CD226: variants seen among roughly 807,000 people sequenced by gnomAD.
CD226 encodes the protein CD226 antigen.
In CD226, 24 loss-of-function variants were observed where a neutral mutation model predicts 34.9. The observed-to-expected ratio is 0.69, with a 90% confidence interval of 0.50 to 0.97. The LOEUF is 0.97. Among genes scored for constraint, CD226 ranks in the 50% least tolerant of loss-of-function variants. The pLI is 0.00. For synonymous variants in CD226, 148 were observed against 147.4 expected (o/e 1.00, Z -0.03); for missense variants, 397 against 412.7 (o/e 0.96, Z 0.33).
chr18:69,873,801 G>A (rs1183901282), intron 3 of CD226, among the ~76,000 whole-genome samples: 1 of 152,122 alleles, frequency 6.6e-6, no homozygotes, highest in Non-Finnish European at 1.5e-5. Flanking sequence ...AACCCCAGAG[G>A]CGGAGCTTGC....
At chr18:69,892,173 C>A (rs1984943203) in intron 3 of CD226, among the ~76,000 whole-genome samples, 1 of 152,184 alleles carries the variant, frequency 6.6e-6, no homozygotes, top group Non-Finnish European at 1.5e-5. Flanking sequence ...TTATCAATAG[C>A]AAACAGAAGT....
Position 69,922,402 on chromosome 18 carries a change from C to T in CD226, c.382+24332G>A, listed in dbSNP as rs2055463432. ...GCACAGGCAGTCCTCCTGCCTCAGC[C>T]TCCCAAGTAGCTGGGACCACAGATG... On this transcript the variant is annotated intron_variant, in intron 2 of 5. Coordinates refer to ENST00000582621, the MANE Select transcript of CD226 (RefSeq NM_001303618.2). Among the ~76,000 whole-genome samples the T allele has an allele frequency of 2.0e-5, 3 of 152,284 alleles. No homozygotes were observed. In the South Asian group the frequency reaches 6.2e-4, roughly 32 times the overall value.
upstream of CD226, among the ~76,000 whole-genome samples, chr18:69,961,242 A>G (rs2055928283): frequency 6.6e-6 from 1 of 152,228 alleles, no homozygotes; most frequent in Non-Finnish European, 1.5e-5. Context: ...GAAATTTGCT[A>G]ATTTATCAAA....
chr18:69,952,017 A>C (rs1256187785), upstream of CD226, among the ~76,000 whole-genome samples: 1 of 152,196 alleles, frequency 6.6e-6, no homozygotes, highest in East Asian at 1.9e-4. Context: ...AAGATATGGA[A>C]TCAACCTAAG....
chr18:69,920,563 T>C (rs1037358715), intron 2 of CD226, among the ~76,000 whole-genome samples: 2 of 152,178 alleles, frequency 1.3e-5, no homozygotes, highest in African/African-American at 4.8e-5. Flanking sequence ...TTACAATTAC[T>C]CCTCAAAAGA....
intron 2 of CD226, among the ~76,000 whole-genome samples, chr18:69,942,054 T>A (rs963728608): frequency 1.3e-5 from 2 of 152,184 alleles, no homozygotes; most frequent in African/African-American, 2.4e-5. Context: ...CCTGCTGCCA[T>A]GTGAAGAAGG....
chr18:69,933,324 A>C (rs1352838613), intron 2 of CD226, among the ~76,000 whole-genome samples: 1 of 152,176 alleles, frequency 6.6e-6, no homozygotes, highest in Non-Finnish European at 1.5e-5. Context: ...GCCTCTGGCC[A>C]AATTTGTTTT....
chr18:69,904,429 C>G (rs1331803641), intron 2 of CD226, among the ~76,000 whole-genome samples: 2 of 152,240 alleles, frequency 1.3e-5, no homozygotes, highest in Non-Finnish European at 2.9e-5. Flanking sequence ...ACCGGCCTCC[C>G]CAGCTTCAGA....
In CD226 at chr18:69,939,703, G is replaced by A. The variant is rs141889093; in HGVS notation, c.382+7031C>T. ...AAACAGGTATGATGGTTAATTTTAC[G>A]TGTCAATTTGAAGGGTGTTTTGGGA... On this transcript the variant is annotated intron_variant, in intron 2 of 5. Coordinates refer to ENST00000582621, the MANE Select transcript of CD226 (RefSeq NM_001303618.2). Among the ~76,000 whole-genome samples, 27 of 152,266 alleles carry A rather than the reference G, an allele frequency of 1.8e-4. 1 individual carries two copies. Among genetic ancestry groups the A allele is most frequent in the African/African-American group, 5.1e-4 (21 of 41,528 alleles).
intron 3 of CD226, among the ~76,000 whole-genome samples, chr18:69,892,167 C>G (rs901478060): frequency 6.6e-6 from 1 of 152,172 alleles, no homozygotes; most frequent in Non-Finnish European, 1.5e-5. Context: ...TTATACTTAT[C>G]AATAGCAAAC....
intron 3 of CD226, among the ~76,000 whole-genome samples, chr18:69,878,634 A>G (rs1599384675): frequency 6.6e-6 from 1 of 152,218 alleles, no homozygotes. Context: ...ACTCTCTAAC[A>G]TCAAGCGTTA....
At chr18:69,896,280 C>T (rs1451803993) in intron 2 of CD226, 18 of 397,814 alleles carry the variant, frequency 4.5e-5, no homozygotes, top group Non-Finnish European at 6.1e-5. Flanking sequence ...CTCCCAGGTT[C>T]ACGCCATTCT....
At chr18:69,872,590 T>A (rs964437816) in intron 4 of CD226, among the ~76,000 whole-genome samples, 3 of 152,086 alleles carry the variant, frequency 2.0e-5, no homozygotes, top group Admixed American at 2.0e-4. Flanking sequence ...GCCAAATGGC[T>A]CCCTGCTGTC....
chr18:69,918,329 G>A (rs1400721256), intron 2 of CD226, among the ~76,000 whole-genome samples: 1 of 152,080 alleles, frequency 6.6e-6, no homozygotes, highest in Admixed American at 6.5e-5. Flanking sequence ...GAGGCAGGTG[G>A]ATCACCTGAG....
chr18:69,948,032 C>A (rs926566648), upstream of CD226, among the ~76,000 whole-genome samples: 3 of 152,140 alleles, frequency 2.0e-5, no homozygotes, highest in Admixed American at 2.0e-4. Flanking sequence ...CCATCAGATA[C>A]AAAAGTATGC....
intron 3 of CD226, among the ~76,000 whole-genome samples, chr18:69,876,853 A>G (rs1030177822): frequency 3.8e-5 from 5 of 131,662 alleles, no homozygotes; most frequent in Admixed American, 9.3e-5. Flanking sequence ...AGGCCTCTAG[A>G]ACTTTTTTTT....
intron 1 of CD226, among the ~76,000 whole-genome samples, chr18:69,953,356 A>G (rs1240699730): frequency 6.6e-6 from 1 of 152,266 alleles, no homozygotes; most frequent in Non-Finnish European, 1.5e-5. Flanking sequence ...AATTGTGATC[A>G]AATCCATACA....
At chr18:69,927,447 A>ATAAAATGTACAG (rs1364647041) in intron 2 of CD226, among the ~76,000 whole-genome samples, 1 of 152,066 alleles carries the variant, frequency 6.6e-6, no homozygotes, top group African/African-American at 2.4e-5. Context: ...GTTCAGTAGC[A>ATAAAATGTACAG]TTAAGTATAT....
At chr18:69,931,611 A>C (rs1338811734) in intron 2 of CD226, among the ~76,000 whole-genome samples, 1 of 152,222 alleles carries the variant, frequency 6.6e-6, no homozygotes, top group African/African-American at 2.4e-5. Context: ...ACTTTGACAA[A>C]GCAAGTAGGC....
Sources: gnomAD v4.1 joint callset for allele counts (sites outside exome capture counted in the v4.1 genomes callset) on GRCh38, gnomAD v4.1.1 for gene constraint, MANE v1.5 for transcripts, NCBI Gene and HGNC (gene_info 2026-07-23, HGNC 2026-07-21) for gene names.